Variants in CDC42SE2 observed in about 807,000 individuals in gnomAD.
The protein encoded by CDC42SE2 is CDC42 small effector 2.
Under a neutral mutation model 11.5 loss-of-function variants are expected in CDC42SE2, and 3 were observed. The ratio of observed to expected loss-of-function variants is 0.26; its 90% CI spans 0.12 to 0.67. CDC42SE2 has a LOEUF of 0.67. Among genes scored for constraint, CDC42SE2 ranks in the 30% least tolerant of loss-of-function variants. The pLI, the probability that CDC42SE2 is intolerant of heterozygous loss-of-function variation, is 0.80. For synonymous variants in CDC42SE2, 33 were observed against 34.8 expected (o/e 0.95, Z 0.18); for missense variants, 82 against 106.8 (o/e 0.77, Z 1.02).
intron 2 of CDC42SE2, among the ~76,000 whole-genome samples, chr5:131,358,561 G>C (rs1342157481): frequency 6.6e-6 from 1 of 152,110 alleles, no homozygotes; most frequent in African/African-American, 2.4e-5. Context: ...GATTCTGATA[G>C]ACTCAGCTTG....
At chr5:131,316,525 G>T (rs1380999134) in intron 2 of CDC42SE2, among the ~76,000 whole-genome samples, 1 of 152,212 alleles carries the variant, frequency 6.6e-6, no homozygotes. Context: ...ATTGTTTTAG[G>T]AATGGACATG....
the CDC42SE2 span, among the ~76,000 whole-genome samples, chr5:131,213,148 G>A: frequency 3.9e-5 from 6 of 152,230 alleles, no homozygotes; most frequent in South Asian, 4.1e-4. Context: ...GGCCGAGCTC[G>A]TGCCATTGCA....
At chr5:131,319,615 G>A (rs374327788) in intron 2 of CDC42SE2, among the ~76,000 whole-genome samples, 1 of 151,944 alleles carries the variant, frequency 6.6e-6, no homozygotes, top group Non-Finnish European at 1.5e-5. Flanking sequence ...ACTGACCATC[G>A]TAATTCAGTA....
chr5:131,240,367 T>C, the CDC42SE2 span, among the ~76,000 whole-genome samples: 1 of 152,232 alleles, frequency 6.6e-6, no homozygotes, highest in East Asian at 1.9e-4. Flanking sequence ...CTACTGTCCA[T>C]TTGTTTTAGA....
At chr5:131,370,803 A>G (rs1176197039) in intron 3 of CDC42SE2, among the ~76,000 whole-genome samples, 2 of 152,216 alleles carry the variant, frequency 1.3e-5, no homozygotes, top group Non-Finnish European at 2.9e-5. Flanking sequence ...CACCAATAGC[A>G]TGAATTTTTT....
At chr5:131,312,727 C>T (rs1393671207) in intron 1 of CDC42SE2, among the ~76,000 whole-genome samples, 3 of 152,194 alleles carry the variant, frequency 2.0e-5, no homozygotes, top group Non-Finnish European at 4.4e-5. Flanking sequence ...TCACCCCTTT[C>T]TTTGACTAGG....
At chr5:131,314,226 G>T (rs1441971248) in intron 1 of CDC42SE2, among the ~76,000 whole-genome samples, 15 of 148,842 alleles carry the variant, frequency 1.0e-4, no homozygotes, top group Admixed American at 2.0e-4. Flanking sequence ...TTTTTTAAAT[G>T]ATTGTCCTTT....
chr5:131,246,284 C>G (rs1756581622), intron 1 of CDC42SE2, among the ~76,000 whole-genome samples: 2 of 152,062 alleles, frequency 1.3e-5, no homozygotes, highest in African/African-American at 4.8e-5. Flanking sequence ...GGTGAAACCC[C>G]TTCTCTACTA....
intron 1 of CDC42SE2, among the ~76,000 whole-genome samples, chr5:131,284,888 G>A (rs1312346292): frequency 2.0e-5 from 3 of 152,144 alleles, no homozygotes; most frequent in Non-Finnish European, 4.4e-5. Context: ...GCCTATGGTG[G>A]TGTGCGCTTT....
At chr5:131,241,583 T>C (rs900890285), upstream of CDC42SE2, among the ~76,000 whole-genome samples, 9 of 152,194 alleles carry the variant, frequency 5.9e-5, no homozygotes, top group South Asian at 2.1e-4. Flanking sequence ...TCATTTTCTC[T>C]GATCTCAGAA....
chr5:131,221,290 A>AT, the CDC42SE2 span, among the ~76,000 whole-genome samples: 179 of 150,138 alleles, frequency 1.2e-3, no homozygotes, highest in Non-Finnish European at 2.2e-3. Flanking sequence ...ACATTATGAG[A>AT]TTTTTTTGCG....
the CDC42SE2 span, among the ~76,000 whole-genome samples, chr5:131,230,177 C>T: frequency 2.0e-5 from 3 of 152,106 alleles, no homozygotes; most frequent in East Asian, 1.9e-4. Flanking sequence ...CTTTTAATTT[C>T]GCATAATTTC....
At chr5:131,255,314 T>C (rs1320582906) in intron 2 of CDC42SE2, 1 of 152,268 alleles carries the variant, frequency 6.6e-6, no homozygotes, top group East Asian at 1.9e-4. Context: ...AATTGCATGT[T>C]GAAATGACAA....
chr5:131,313,652 T>C (rs573435586), intron 1 of CDC42SE2, among the ~76,000 whole-genome samples: 4 of 152,310 alleles, frequency 2.6e-5, no homozygotes, highest in African/African-American at 7.2e-5. Flanking sequence ...ATTTCTGGAC[T>C]CTCAGTTTTG....
chr5:131,239,444 A>G, the CDC42SE2 span, among the ~76,000 whole-genome samples: 1 of 152,146 alleles, frequency 6.6e-6, no homozygotes, highest in Non-Finnish European at 1.5e-5. Context: ...ATCAAAAAAG[A>G]AAAAAAGAAA....
intron 2 of CDC42SE2, among the ~76,000 whole-genome samples, chr5:131,336,362 C>G (rs1309018217): frequency 6.6e-6 from 1 of 152,224 alleles, no homozygotes; most frequent in East Asian, 1.9e-4. Context: ...ATGGGCTTCC[C>G]TTTGCGGGTA....
chr5:131,368,812 G>T (rs1401615301), intron 3 of CDC42SE2, among the ~76,000 whole-genome samples: 1 of 151,796 alleles, frequency 6.6e-6, no homozygotes, highest in Non-Finnish European at 1.5e-5. Flanking sequence ...ATATCATTTT[G>T]TCCATAAATA....
intron 1 of CDC42SE2, among the ~76,000 whole-genome samples, chr5:131,306,574 G>A (rs561718635): frequency 5.4e-4 from 82 of 152,114 alleles, no homozygotes; most frequent in Admixed American, 1.4e-3. Flanking sequence ...TCTGTTTGAC[G>A]TCTTTTGTGG....
intron 2 of CDC42SE2, among the ~76,000 whole-genome samples, chr5:131,333,257 TG>T (rs1302390801): frequency 1.3e-5 from 2 of 152,218 alleles, no homozygotes; most frequent in Non-Finnish European, 1.5e-5. Flanking sequence ...TTGTCAGGTT[TG>T]TCAAAGATCA....
Sources: allele counts gnomAD v4.1 joint callset (sites outside exome capture counted in the v4.1 genomes callset), GRCh38; gene constraint gnomAD v4.1.1; transcripts MANE v1.5; gene names NCBI Gene and HGNC (gene_info 2026-07-23, HGNC 2026-07-21).